Variants in SHROOM4 observed in about 807,000 individuals in gnomAD.
The protein encoded by SHROOM4 is shroom family member 4, also known as protein Shroom4.
Under a neutral mutation model 80.3 loss-of-function variants are expected in SHROOM4, and 17 were observed. The ratio of observed to expected loss-of-function variants is 0.21; its 90% confidence interval spans 0.14 to 0.32. SHROOM4 has a LOEUF of 0.32. Among genes scored for constraint, SHROOM4 ranks in the 10% least tolerant of loss-of-function variants. The probability of loss-of-function intolerance (pLI) is 1.00; values close to 1 mark genes in which losing one functional copy is unlikely to be tolerated. For missense variants in SHROOM4, 993 were observed against 1,140.3 expected (o/e 0.87, Z 1.86); for synonymous variants, 400 against 437.5 (o/e 0.91, Z 1.07).
rs1569546309 is a variant in SHROOM4 at position 50,596,704 on chromosome X, G to C, written c.4473C>G (p.Ser1491Arg). The C allele has an allele frequency of 8.3e-7, 1 of 1,210,282 alleles. No homozygotes were observed. The highest frequency in any genetic ancestry group is 1.1e-6 in the Non-Finnish European group (1 of 895,558). Residue 1491 changes from serine (S) to arginine (R), a missense_variant, in exon 9 of 9, where the codon AGC becomes AGG. Transcript: ENST00000376020. ...CLRESLLLGPSNF is the reference protein window; with the variant it reads ...CLRESLLLGPRNF ...CAGAGTGCTGGTAGAATTAGAAATT[G>C]CTGGGCCCCAGGAGTAGACTCTCCC...
chrX:50,630,123 G>A (rs781938398), intron 4 of SHROOM4, among the ~76,000 whole-genome samples: 5 of 110,970 alleles, frequency 4.5e-5, no homozygotes, highest in Non-Finnish European at 9.4e-5. Flanking sequence ...AGCCTCACCC[G>A]CATGCATTAC....
intron 1 of SHROOM4, among the ~76,000 whole-genome samples, chrX:50,761,115 T>G (rs1396605023): frequency 9.0e-6 from 1 of 111,444 alleles, no homozygotes; most frequent in Non-Finnish European, 1.9e-5. Context: ...GGGGGTTTGT[T>G]ATACAGATTA....
chrX:50,813,844 G>T, intron 1 of SHROOM4, 58 bp downstream of exon 1: 1 of 950,806 alleles, frequency 1.1e-6, no homozygotes, highest in Non-Finnish European at 1.5e-6. Context: ...GGCAGCCTTC[G>T]CACCCGCTTG....
In SHROOM4 at chrX:50,590,108, T is replaced by C. The variant is rs1928837858; in HGVS notation, c.*6587A>G. 9.0e-6 allele frequency among the ~76,000 whole-genome samples: 1 copy of C among 111,516 alleles called. No homozygotes were observed. On this transcript the variant is annotated 3_prime_UTR_variant, in exon 9 of 9. Transcript: ENST00000376020. ...CTGAATGTTTGTGTCCTCTCCAAACTCACATGCTGAAGCCCTAATCCCCAA... is the reference window on the plus strand; with the variant it reads ...CTGAATGTTTGTGTCCTCTCCAAACCCACATGCTGAAGCCCTAATCCCCAA...
chrX:50,710,329 C>T lies in SHROOM4; in HGVS notation c.118-14392G>A, dbSNP rs782641453. Among the ~76,000 whole-genome samples, 3 of 112,048 alleles carry T rather than the reference C, an allele frequency of 2.7e-5. No individual in the cohort carries two copies. In the East Asian group the frequency reaches 8.4e-4, roughly 32 times the overall value. ...TACATATATACCATGGAATACTACGCAGCCACAAAAAGAATGAGATCATGT... is the reference window on the plus strand; with the variant it reads ...TACATATATACCATGGAATACTACGTAGCCACAAAAAGAATGAGATCATGT... On this transcript the variant is annotated intron_variant, in intron 1 of 8. Transcript: ENST00000376020.
chrX:50,813,136 TGGCGGCGGCGGC>T (rs782457315), intron 1 of SHROOM4, among the ~76,000 whole-genome samples: 2 of 97,689 alleles, frequency 2.0e-5, no homozygotes, highest in South Asian at 5.2e-4. Flanking sequence ...AAACAAACCC[TGGCGGCGGCGGC>T]GGCGGCGGCA....
intron 1 of SHROOM4, among the ~76,000 whole-genome samples, chrX:50,781,172 G>T (rs1350058118): frequency 1.8e-5 from 2 of 110,851 alleles, no homozygotes; most frequent in Non-Finnish European, 3.8e-5. Flanking sequence ...GCCCATATTG[G>T]TGAGGGTGAT....
In SHROOM4 at chrX:50,692,022, C is replaced by T. The variant is rs189711788; in HGVS notation, c.269+3764G>A. On this transcript the variant is annotated intron_variant, in intron 2 of 8. Coordinates refer to ENST00000376020, the MANE Select transcript of SHROOM4 (RefSeq NM_020717.5). ...CTAAAAGGGTAGAAAATACAGGTTC[C>T]GGGAGCCATAGGACCTGCCACACCA... Among the ~76,000 whole-genome samples the T allele has an allele frequency of 6.9e-3, 763 of 111,217 alleles. 8 individuals are homozygous for T. Among genetic ancestry groups the T allele is most frequent in the African/African-American group, 0.024 (729 of 30,562 alleles).
intron 7 of SHROOM4, among the ~76,000 whole-genome samples, chrX:50,602,093 C>CTT (rs782323339): frequency 9.8e-6 from 1 of 102,291 alleles, no homozygotes. Context: ...TTCTTTTCTT[C>CTT]TTTTTTTTTT....
chrX:50,690,922 G>A (rs1022234466), intron 2 of SHROOM4, among the ~76,000 whole-genome samples: 22 of 112,650 alleles, frequency 2.0e-4, no homozygotes, highest in Admixed American at 3.7e-4. Context: ...AGCCAAGATC[G>A]TGCCACTGCA....
chrX:50,731,737 G>C (rs1456756381), intron 1 of SHROOM4, among the ~76,000 whole-genome samples: 1 of 111,816 alleles, frequency 8.9e-6, no homozygotes, highest in African/African-American at 3.3e-5. Context: ...CCCTACCAGA[G>C]CCCAGAGATT....
At chrX:50,608,316 G>T in intron 5 of SHROOM4, 132 bp from the exon 6 acceptor site, 10 of 515,120 alleles carry the variant, frequency 1.9e-5, no homozygotes, top group Non-Finnish European at 3.2e-5. Flanking sequence ...TGTAATAATA[G>T]TAATAATAAT....
At chrX:50,662,644 C>T in intron 2 of SHROOM4, among the ~76,000 whole-genome samples, 1 of 112,237 alleles carries the variant, frequency 8.9e-6, no homozygotes. Flanking sequence ...AGCTCATTTA[C>T]TCATGTAATA....
intron 5 of SHROOM4, among the ~76,000 whole-genome samples, chrX:50,609,571 A>C (rs1174264132): frequency 9.0e-6 from 1 of 110,976 alleles, no homozygotes; most frequent in Non-Finnish European, 1.9e-5. Context: ...AATATTATTT[A>C]ATAAATCTTT....
intron 2 of SHROOM4, among the ~76,000 whole-genome samples, chrX:50,682,957 T>C (rs904087726): frequency 1.3e-4 from 15 of 111,216 alleles, no homozygotes; most frequent in Middle Eastern, 4.6e-3. Context: ...CCAGCAAATA[T>C]AAAGCAGGCA....
At chrX:50,697,727 A>G (rs1477938020) in intron 1 of SHROOM4, among the ~76,000 whole-genome samples, 1 of 111,988 alleles carries the variant, frequency 8.9e-6, no homozygotes, top group East Asian at 2.8e-4. Context: ...AGCAAATTAA[A>G]CAGGATTACA....
rs112549858 is a variant in SHROOM4, at chrX:50,780,644, T to G, written c.117+33258A>C. Among the ~76,000 whole-genome samples the G allele has an allele frequency of 6.0e-3, 669 of 111,654 alleles. 9 individuals carry two copies. The highest frequency in any genetic ancestry group is 0.021 in the African/African-American group (635 of 30,750). Reference sequence around the variant, plus strand: ...ATTTCATATTGATAAAAACTAGGACTGTAGAGACAAACATTAAACTTTTGG... The same window carrying G: ...ATTTCATATTGATAAAAACTAGGACGGTAGAGACAAACATTAAACTTTTGG... On this transcript the variant is annotated intron_variant, in intron 1 of 8. Transcript: ENST00000376020.
Position 50,747,831 on chromosome X carries a change from T to C in SHROOM4, c.118-51894A>G, listed in dbSNP as rs782050526. ...TGGCAGGAGGAGAAGGGGGGAACAT[T>C]AATTTCTGTGGTGTACCCACTAAGT... On this transcript the variant is annotated intron_variant, in intron 1 of 8. Coordinates refer to ENST00000376020, the MANE Select transcript of SHROOM4 (RefSeq NM_020717.5). Among the ~76,000 whole-genome samples, 10 of 112,115 alleles carry C rather than the reference T, an allele frequency of 8.9e-5. No individual in the cohort carries two copies. The East Asian group carries it at 2.8e-3, about 32-fold the overall frequency.
chrX:50,779,206 C>G (rs1935573825), intron 1 of SHROOM4, among the ~76,000 whole-genome samples: 1 of 111,791 alleles, frequency 8.9e-6, no homozygotes, highest in Non-Finnish European at 1.9e-5. Context: ...TAATGGTAAT[C>G]TTATTTTACA....
Sources: allele counts gnomAD v4.1 joint callset (sites outside exome capture counted in the v4.1 genomes callset), GRCh38; gene constraint gnomAD v4.1.1; transcripts MANE v1.5; gene names NCBI Gene and HGNC (gene_info 2026-07-23, HGNC 2026-07-21).